The following PHACTR3 variants were observed in gnomAD, a reference collection of about 807,000 sequenced individuals.
PHACTR3 encodes protein phosphatase 1, regulatory subunit 123.
Under a neutral mutation model 66.8 loss-of-function variants are expected in PHACTR3, and 16 were observed. That is an observed-to-expected ratio of 0.24 (90% CI 0.16 to 0.36). The LOEUF is 0.36. Among genes scored for constraint, PHACTR3 ranks in the 10% least tolerant of loss-of-function variants. PHACTR3 has a pLI of 1.00. For missense variants in PHACTR3, 647 were observed against 719.9 expected (o/e 0.90, Z 1.16); for synonymous variants, 323 against 292.1 (o/e 1.11, Z -1.08).
At chr20:59,661,557 C>T (rs2035806412) in intron 1 of PHACTR3, among the ~76,000 whole-genome samples, 1 of 152,206 alleles carries the variant, frequency 6.6e-6, no homozygotes, top group South Asian at 2.1e-4. Context: ...ACAGGACCCC[C>T]TTTTTAGGAC....
chr20:59,818,828 T>C (rs981492026), intron 8 of PHACTR3, among the ~76,000 whole-genome samples: 1 of 152,258 alleles, frequency 6.6e-6, no homozygotes, highest in Non-Finnish European at 1.5e-5. Context: ...CTTCACTGCT[T>C]GTTTATCATC....
At chr20:59,577,617 G>A in exon 1 of PHACTR3, 1 of 1,209,542 alleles carries the variant, frequency 8.3e-7, no homozygotes, top group South Asian at 4.1e-5. Context: ...TCCTGCGCAA[G>A]GTAAGCGCGC....
rs763766127 is a variant in PHACTR3, at chr20:59,773,418, G to A, written c.891G>A (p.Leu297=). 1.9e-6 allele frequency: 3 copies of A among 1,613,546 alleles called. No homozygotes were observed. Among genetic ancestry groups the A allele is most frequent in the Non-Finnish European group, 2.5e-6 (3 of 1,179,858 alleles). Residue 297 remains leucine (L), a synonymous_variant, in exon 6 of 13, where the codon CTG becomes CTA. Transcript: ENST00000371015. ...CCCCAAGCCGCGTCATTGAGGAGCTGCACAGGGCGCTGGCCACGAAGCACC... is the reference window on the plus strand; with the variant it reads ...CCCCAAGCCGCGTCATTGAGGAGCTACACAGGGCGCTGGCCACGAAGCACC... ...PLPPSRVIEE[L]HRALATKHRQ...
At chr20:59,818,036 G>C (rs1460661646) in intron 8 of PHACTR3, among the ~76,000 whole-genome samples, 1 of 152,180 alleles carries the variant, frequency 6.6e-6, no homozygotes, top group Non-Finnish European at 1.5e-5. Context: ...GGCTACCACT[G>C]TCAGTATCCT....
intron 1 of PHACTR3, among the ~76,000 whole-genome samples, chr20:59,589,013 C>T (rs1041640785): frequency 3.5e-4 from 54 of 152,328 alleles, no homozygotes; most frequent in African/African-American, 1.2e-3. Flanking sequence ...CAGGCCCATC[C>T]CCAGGAACAG....
intron 1 of PHACTR3, among the ~76,000 whole-genome samples, chr20:59,660,763 A>G (rs548152699): frequency 2.6e-5 from 4 of 152,374 alleles, no homozygotes; most frequent in Admixed American, 2.6e-4. Flanking sequence ...CAGCAAGAAC[A>G]TCATTCTCTT....
intron 1 of PHACTR3, among the ~76,000 whole-genome samples, chr20:59,616,183 T>TA (rs1303469941): frequency 1.3e-5 from 2 of 152,184 alleles, no homozygotes; most frequent in Non-Finnish European, 2.9e-5. Flanking sequence ...GACGAGCAGT[T>TA]ATGATGCTGA....
chr20:59,776,003 GC>G (rs1197626518), intron 7 of PHACTR3, among the ~76,000 whole-genome samples: 1 of 152,202 alleles, frequency 6.6e-6, no homozygotes, highest in Non-Finnish European at 1.5e-5. Context: ...TTGGCCAGAT[GC>G]CCCTGAGGGG....
At chr20:59,743,021 T>C (rs2039224449) in intron 1 of PHACTR3, 86 bp from the exon 2 acceptor site, 1 of 1,449,204 alleles carries the variant, frequency 6.9e-7, no homozygotes, top group African/African-American at 1.4e-5. Context: ...GGTGACCCCT[T>C]AGGGTGAGAG....
chr20:59,633,151 G>A (rs1028727714), intron 1 of PHACTR3, among the ~76,000 whole-genome samples: 9 of 152,180 alleles, frequency 5.9e-5, no homozygotes, highest in Admixed American at 4.6e-4. Flanking sequence ...GGCTTTTCTC[G>A]TGAAAGTAGG....
chr20:59,679,575 GC>G (rs1294817281), intron 1 of PHACTR3, among the ~76,000 whole-genome samples: 1 of 152,116 alleles, frequency 6.6e-6, no homozygotes, highest in Non-Finnish European at 1.5e-5. Context: ...GCTCTGGGTG[GC>G]ATGGGCATCG....
chr20:59,745,406 C>CA (rs1391731597), intron 2 of PHACTR3, among the ~76,000 whole-genome samples: 1 of 152,210 alleles, frequency 6.6e-6, no homozygotes, highest in Admixed American at 6.5e-5. Context: ...AGTTCACCAG[C>CA]AAGATGCTCT....
At position 59,624,430 on chromosome 20, in the gene PHACTR3, G is replaced by C. The variant is rs76212292; in HGVS notation, c.118+19298G>C. ...CCCTTCCCAGAGCTCCTGACTTGACGCATCTGCCATGAAGCCAGTATGAAC... is the reference window on the plus strand; with the variant it reads ...CCCTTCCCAGAGCTCCTGACTTGACCCATCTGCCATGAAGCCAGTATGAAC... On this transcript the variant is annotated intron_variant, in intron 1 of 12. Transcript: ENST00000371015. 3.7e-3 allele frequency among the ~76,000 whole-genome samples: 569 copies of C among 152,244 alleles called. 18 individuals carry two copies. The East Asian group carries it at 0.073, about 20-fold the overall frequency.
intron 1 of PHACTR3, among the ~76,000 whole-genome samples, chr20:59,723,676 A>G (rs2038437133): frequency 1.3e-5 from 2 of 152,062 alleles, no homozygotes; most frequent in Non-Finnish European, 2.9e-5. Flanking sequence ...GAGCAGAATC[A>G]TCGTACGGTG....
At chr20:59,750,775 C>G (rs146034025) in intron 3 of PHACTR3, among the ~76,000 whole-genome samples, 132 of 152,308 alleles carry the variant, frequency 8.7e-4, no homozygotes, top group African/African-American at 3.0e-3. Context: ...ACTTGCTTTT[C>G]GCAGTCGACT....
At chr20:59,661,393 G>C (rs60884782) in intron 1 of PHACTR3, among the ~76,000 whole-genome samples, 1,821 of 152,160 alleles carry the variant, frequency 0.012, 33 homozygotes, top group African/African-American at 0.042. Context: ...CTAATGGAGA[G>C]AGCACGTCTC....
At chr20:59,741,164 C>A (rs1057468037) in intron 1 of PHACTR3, among the ~76,000 whole-genome samples, 1 of 152,258 alleles carries the variant, frequency 6.6e-6, no homozygotes, top group Non-Finnish European at 1.5e-5. Flanking sequence ...CCTGCATGTC[C>A]ATGCTTCCTG....
At chr20:59,785,306 G>A (rs1183456) in intron 7 of PHACTR3, among the ~76,000 whole-genome samples, 148,447 of 152,248 alleles carry the variant, frequency 0.98, 72,401 homozygotes, top group East Asian at 1. Flanking sequence ...TTCCTCTACA[G>A]GGACACCAGT....
chr20:59,580,851 T>G (rs1568913683), intron 1 of PHACTR3, among the ~76,000 whole-genome samples: 1 of 152,218 alleles, frequency 6.6e-6, no homozygotes, highest in East Asian at 1.9e-4. Context: ...AGCAAGTGAC[T>G]GAAATGGACT....
Sources: gnomAD v4.1 joint callset for allele counts (sites outside exome capture counted in the v4.1 genomes callset) on GRCh38, gnomAD v4.1.1 for gene constraint, MANE v1.5 for transcripts, NCBI Gene and HGNC (gene_info 2026-07-23, HGNC 2026-07-21) for gene names.